SLC18A1: variants seen among roughly 807,000 people sequenced by gnomAD.
SLC18A1 encodes solute carrier family 18 member A1.
Under a neutral mutation model 53.7 loss-of-function variants are expected in SLC18A1, and 69 were observed. The ratio of observed to expected loss-of-function variants is 1.28; its 90% CI spans 1.06 to 1.57. SLC18A1 has a LOEUF of 1.57. Among genes scored for constraint, SLC18A1 ranks in the 40% most tolerant of loss-of-function variants. The pLI is 0.00. For synonymous variants in SLC18A1, 320 were observed against 248.1 expected (o/e 1.29, Z -2.72); for missense variants, 932 against 668.1 (o/e 1.40, Z -4.35).
chr8:20,150,957 C>CA (rs1319450882), intron 10 of SLC18A1: 4 of 550,496 alleles, frequency 7.3e-6, no homozygotes, highest in Non-Finnish European at 1.3e-5. Flanking sequence ...TGTTTAGCCT[C>CA]AGTACTTTTC....
At chr8:20,154,111 T>G (rs2071625638) in intron 10 of SLC18A1, among the ~76,000 whole-genome samples, 1 of 152,210 alleles carries the variant, frequency 6.6e-6, no homozygotes, top group Non-Finnish European at 1.5e-5. Context: ...CCAGGCTTCT[T>G]GTACAGCATG....
intron 10 of SLC18A1, among the ~76,000 whole-genome samples, chr8:20,164,144 G>A (rs921663293): frequency 6.6e-6 from 1 of 151,998 alleles, no homozygotes; most frequent in African/African-American, 2.4e-5. Context: ...TTCCCCTCTG[G>A]CCCCGTAAGC....
At chr8:20,179,047 C>T in intron 3 of SLC18A1, 74 bp downstream of exon 3, 1 of 1,509,298 alleles carries the variant, frequency 6.6e-7, no homozygotes, top group Non-Finnish European at 8.9e-7. Context: ...TTTTTCCCTT[C>T]CAACCCCCTT....
At chr8:20,154,968 C>G (rs1563732202) in intron 10 of SLC18A1, among the ~76,000 whole-genome samples, 1 of 152,156 alleles carries the variant, frequency 6.6e-6, no homozygotes, top group Non-Finnish European at 1.5e-5. Context: ...AAAAGCTTGC[C>G]ATTGTTCCTG....
intron 8 of SLC18A1, among the ~76,000 whole-genome samples, chr8:20,169,694 C>A (rs1011564218): frequency 7.9e-5 from 12 of 152,090 alleles, no homozygotes; most frequent in Non-Finnish European, 1.8e-4. Flanking sequence ...GCCTGGCCAA[C>A]ATGGTGAAAT....
chr8:20,176,195 G>A (rs1428617361), intron 4 of SLC18A1, among the ~76,000 whole-genome samples: 1 of 152,056 alleles, frequency 6.6e-6, no homozygotes, highest in Admixed American at 6.6e-5. Context: ...TCCTTTGGTG[G>A]TGAGTGAGTT....
intron 1 of SLC18A1, chr8:20,181,773 G>A (rs563181011): frequency 2.0e-5 from 3 of 151,970 alleles, no homozygotes; most frequent in Admixed American, 1.3e-4. Context: ...CAAGAAATCC[G>A]AGCCTCTGAA....
chr8:20,171,853 A>G (rs1194678700), intron 6 of SLC18A1, among the ~76,000 whole-genome samples: 1 of 152,226 alleles, frequency 6.6e-6, no homozygotes, highest in African/African-American at 2.4e-5. Context: ...GGCTTTGCCA[A>G]GTGTAGAGTA....
At chr8:20,182,027 A>T (rs1317166711) in intron 1 of SLC18A1, 1 of 152,250 alleles carries the variant, frequency 6.6e-6, no homozygotes, top group Non-Finnish European at 1.5e-5. Flanking sequence ...GCATTAAGTC[A>T]CAGTACCTTG....
chr8:20,173,485 C>A (rs10094232), intron 5 of SLC18A1, among the ~76,000 whole-genome samples: 10,992 of 152,114 alleles, frequency 0.072, 1,033 homozygotes, highest in East Asian at 0.28. Flanking sequence ...TCTAGGCACA[C>A]AGAGACCATT....
At chr8:20,168,362 G>A (rs1051875215) in intron 8 of SLC18A1, among the ~76,000 whole-genome samples, 32 of 151,222 alleles carry the variant, frequency 2.1e-4, no homozygotes, top group African/African-American at 7.5e-4. Flanking sequence ...AAGAGGCCCT[G>A]TCTCCAAAAA....
chr8:20,181,594 T>A (rs1373891124), intron 1 of SLC18A1, among the ~76,000 whole-genome samples: 1 of 152,154 alleles, frequency 6.6e-6, no homozygotes, highest in Non-Finnish European at 1.5e-5. Context: ...AAAAAATTTT[T>A]AAAACCAACA....
chr8:20,167,513 C>T (rs1287079643), intron 8 of SLC18A1, among the ~76,000 whole-genome samples: 1 of 151,982 alleles, frequency 6.6e-6, no homozygotes, highest in African/African-American at 2.4e-5. Context: ...GTGGAGGTCT[C>T]AGTACAAACT....
intron 13 of SLC18A1, 112 bp from the exon 14 acceptor site, chr8:20,147,834 A>G: frequency 6.7e-7 from 1 of 1,503,184 alleles, no homozygotes; most frequent in Non-Finnish European, 9.0e-7. Context: ...GCCTCGGACT[A>G]ACACCTGTTC....
intron 8 of SLC18A1, among the ~76,000 whole-genome samples, chr8:20,168,828 A>G (rs1315573979): frequency 6.6e-6 from 1 of 152,186 alleles, no homozygotes; most frequent in African/African-American, 2.4e-5. Flanking sequence ...CCTTGGAGGA[A>G]TGGCTATTCC....
chr8:20,149,615 TC>T, intron 12 of SLC18A1, 60 bp downstream of exon 12: 2 of 1,329,286 alleles, frequency 1.5e-6, no homozygotes, highest in Non-Finnish European at 2.1e-6. Context: ...TCTCTCTCTC[TC>T]TGTCTGTCTG....
intron 11 of SLC18A1, 100 bp downstream of exon 11, chr8:20,150,566 C>T: frequency 9.2e-7 from 1 of 1,088,594 alleles, no homozygotes; most frequent in Non-Finnish European, 1.4e-6. Flanking sequence ...TCATCCTAAA[C>T]TTTCAACCGT....
At position 20,149,695 on chromosome 8, in the gene SLC18A1, A is replaced by T; in HGVS notation, c.1127T>A (p.Val376Glu). ...ACTTACACAGAGCAAGCTGGTACCT[A>T]CTACCAGCATCCCGATTAGGGAACA... is the stretch of plus-strand genomic sequence containing the variant. ...WLCSLIGMLV[V>E]GTSLLCVPLA... Residue 376 changes from valine to glutamate, a missense_variant, in exon 12 of 16, where the codon GTA (valine) becomes GAA (glutamate). Coordinates refer to ENST00000276373, the MANE Select transcript of SLC18A1 (RefSeq NM_003053.4). The T allele has an allele frequency of 6.2e-7, 1 of 1,612,254 alleles. No homozygotes were observed. Among genetic ancestry groups the T allele is most frequent in the Non-Finnish European group, 8.5e-7 (1 of 1,179,628 alleles).
At position 20,172,110 on chromosome 8, in the gene SLC18A1, C is replaced by T. The variant is rs146288936; in HGVS notation, c.725-616G>A. ...CTCAGGAAGATTGTTCAGGCAGCAT[C>T]GTGGTGGAAGGAGGGAGTACACAAG... On this transcript the variant is annotated intron_variant, in intron 6 of 15. Transcript: ENST00000276373. Among the ~76,000 whole-genome samples the T allele has an allele frequency of 4.2e-3, 638 of 152,292 alleles. 2 individuals carry two copies. Among genetic ancestry groups the T allele is most frequent in the African/African-American group, 0.015 (605 of 41,558 alleles).
Sources: allele counts gnomAD v4.1 joint callset (sites outside exome capture counted in the v4.1 genomes callset), GRCh38; gene constraint gnomAD v4.1.1; transcripts MANE v1.5; gene names NCBI Gene and HGNC (gene_info 2026-07-23, HGNC 2026-07-21).